The following CPQ variants were observed in gnomAD, a reference collection of about 807,000 sequenced individuals.
CPQ encodes the protein carboxypeptidase Q.
A neutral mutation model predicts 45.7 loss-of-function variants in CPQ; 37 were observed. The observed-to-expected ratio is 0.81, with a 90% confidence interval of 0.62 to 1.07. The LOEUF (loss-of-function observed/expected upper bound fraction) is 1.07. Among genes scored for constraint, CPQ ranks in the 50% least tolerant of loss-of-function variants. The pLI is 0.00. For synonymous variants in CPQ, 186 were observed against 205.8 expected (o/e 0.90, Z 0.82); for missense variants, 537 against 572.9 (o/e 0.94, Z 0.64).
chr8:96,803,650 A>G (rs1024259973), intron 2 of CPQ, among the ~76,000 whole-genome samples: 9 of 152,136 alleles, frequency 5.9e-5, no homozygotes, highest in African/African-American at 2.2e-4. Context: ...CTCATATGCA[A>G]TGCTCCCAAG....
At chr8:97,029,251 TG>T in intron 5 of CPQ, 151 bp from the exon 6 acceptor site, 1 of 685,600 alleles carries the variant, frequency 1.5e-6, no homozygotes. Flanking sequence ...TTTGCTGTGC[TG>T]GCCATACCCT....
In CPQ at chr8:96,896,978, G is replaced by A. The variant is rs550104374; in HGVS notation, c.849+16973G>A. On this transcript the variant is annotated intron_variant, in intron 4 of 7. Coordinates refer to ENST00000220763, the MANE Select transcript of CPQ (RefSeq NM_016134.4). ...TTCCATATTGGATTATCCCAACAGA[G>A]AAAGATATGGAATCCCCATCTTCTG... Among the ~76,000 whole-genome samples, 3 of 152,270 alleles carry A rather than the reference G, an allele frequency of 2.0e-5. No homozygotes were observed. In the South Asian group the frequency reaches 6.2e-4, roughly 32 times the overall value.
intron 6 of CPQ, among the ~76,000 whole-genome samples, chr8:97,039,729 T>A (rs1287510468): frequency 6.6e-6 from 1 of 151,222 alleles, no homozygotes; most frequent in Middle Eastern, 3.2e-3. Flanking sequence ...TAAGAACATG[T>A]GGTGTTTGGT....
intron 1 of CPQ, among the ~76,000 whole-genome samples, chr8:96,673,949 G>A (rs1229299499): frequency 6.7e-6 from 1 of 150,204 alleles, no homozygotes; most frequent in Non-Finnish European, 1.5e-5. Flanking sequence ...CCCGTGACAA[G>A]ACTTTTCTAT....
chr8:97,084,556 A>G (rs1302091640), intron 7 of CPQ, among the ~76,000 whole-genome samples: 2 of 152,190 alleles, frequency 1.3e-5, no homozygotes, highest in Non-Finnish European at 2.9e-5. Context: ...AGCATGTGCT[A>G]AGTGGAAGCT....
intron 7 of CPQ, among the ~76,000 whole-genome samples, chr8:97,125,795 C>T (rs977538967): frequency 1.3e-5 from 2 of 152,108 alleles, no homozygotes; most frequent in South Asian, 2.1e-4. Context: ...TTTCCTACTA[C>T]GATGGGGAAT....
intron 5 of CPQ, among the ~76,000 whole-genome samples, chr8:97,026,738 T>C (rs1344282957): frequency 6.6e-6 from 1 of 152,214 alleles, no homozygotes; most frequent in African/African-American, 2.4e-5. Context: ...ACTATGCTGT[T>C]GTTGTGTTGA....
intron 5 of CPQ, among the ~76,000 whole-genome samples, chr8:96,986,914 A>T (rs888659239): frequency 6.6e-6 from 1 of 152,170 alleles, no homozygotes; most frequent in Non-Finnish European, 1.5e-5. Context: ...TAGAGTTACT[A>T]TATTGAAATC....
At chr8:96,718,743 G>C (rs951170984) in intron 1 of CPQ, among the ~76,000 whole-genome samples, 5 of 152,068 alleles carry the variant, frequency 3.3e-5, no homozygotes, top group Non-Finnish European at 5.9e-5. Context: ...TGATTGGTGC[G>C]TTTACAATCC....
rs188364253 is a variant in CPQ at position 97,032,798 on chromosome 8, A to G, written c.1053+3304A>G. Among the ~76,000 whole-genome samples, 254 of 152,374 alleles carry G rather than the reference A, an allele frequency of 1.7e-3. 3 individuals are homozygous for G. Among genetic ancestry groups the G allele is most frequent in the Admixed American group, 0.013 (196 of 15,306 alleles). On this transcript the variant is annotated intron_variant, in intron 6 of 7. Transcript: ENST00000220763. Reference sequence around the variant, plus strand: ...CAGAAGGACCTTACATTTTACTTCAAAAATAACTTTAAATGCACACATAAG... The same window carrying G: ...CAGAAGGACCTTACATTTTACTTCAGAAATAACTTTAAATGCACACATAAG...
In CPQ at chr8:96,816,927, T is replaced by G. The variant is rs562640046; in HGVS notation, c.434-18046T>G. Among the ~76,000 whole-genome samples the G allele has an allele frequency of 1.3e-3, 204 of 152,298 alleles. 2 individuals are homozygous for G. Among genetic ancestry groups the G allele is most frequent in the Admixed American group, 9.8e-3 (150 of 15,290 alleles). On this transcript the variant is annotated intron_variant, in intron 2 of 7. Transcript: ENST00000220763. ...ACGCTGTCATCCAGGCTTTGTTGTT[T>G]CATTTATAGAGCACTGTTAGAGTAG...
chr8:96,686,979 T>C (rs2130734040), intron 1 of CPQ, among the ~76,000 whole-genome samples: 1 of 152,228 alleles, frequency 6.6e-6, no homozygotes, highest in South Asian at 2.1e-4. Context: ...TAGGAGTCTT[T>C]TAATTTTTTT....
intron 3 of CPQ, among the ~76,000 whole-genome samples, chr8:96,863,409 TAA>T: frequency 6.6e-6 from 1 of 151,890 alleles, no homozygotes. Flanking sequence ...GATAAAAGTA[TAA>T]AAAGAGTGCA....
At chr8:97,129,959 G>A (rs567165588) in intron 7 of CPQ, among the ~76,000 whole-genome samples, 1 of 152,316 alleles carries the variant, frequency 6.6e-6, no homozygotes, top group East Asian at 1.9e-4. Context: ...AAGTCCTGCT[G>A]CACTAGTCGC....
chr8:96,779,946 G>C (rs976673691), intron 1 of CPQ, among the ~76,000 whole-genome samples: 5 of 152,120 alleles, frequency 3.3e-5, no homozygotes, highest in Non-Finnish European at 2.9e-5. Context: ...ACAGTGTATA[G>C]TTTTCATAAT....
intron 1 of CPQ, among the ~76,000 whole-genome samples, chr8:96,751,138 T>C (rs1186436392): frequency 6.6e-6 from 1 of 152,246 alleles, no homozygotes; most frequent in East Asian, 1.9e-4. Flanking sequence ...TTATATTCCT[T>C]TGGTTATATA....
At chr8:97,022,063 A>T (rs555007298) in intron 5 of CPQ, among the ~76,000 whole-genome samples, 241 of 152,282 alleles carry the variant, frequency 1.6e-3, no homozygotes, top group Non-Finnish European at 2.6e-3. Context: ...AGAATAGAGA[A>T]CCCAGAAATA....
intron 1 of CPQ, among the ~76,000 whole-genome samples, chr8:96,748,038 A>G (rs1810212740): frequency 6.6e-6 from 1 of 152,232 alleles, no homozygotes; most frequent in African/African-American, 2.4e-5. Context: ...TAAATTTGCC[A>G]GAAATCACCT....
chr8:96,956,417 G>A (rs1027338175), intron 4 of CPQ, among the ~76,000 whole-genome samples: 6 of 152,188 alleles, frequency 3.9e-5, no homozygotes, highest in Middle Eastern at 3.4e-3. Context: ...ACATTATAAG[G>A]TTAATCAGCA....
Sources: gnomAD v4.1 joint callset for allele counts (sites outside exome capture counted in the v4.1 genomes callset) on GRCh38, gnomAD v4.1.1 for gene constraint, MANE v1.5 for transcripts, NCBI Gene and HGNC (gene_info 2026-07-23, HGNC 2026-07-21) for gene names.